Variants in TTC39A observed in about 807,000 individuals in gnomAD.
The protein encoded by TTC39A is tetratricopeptide repeat protein 39A.
Under a neutral mutation model 82.3 loss-of-function variants are expected in TTC39A, and 46 were observed. The ratio of observed to expected loss-of-function variants is 0.56; its 90% CI spans 0.44 to 0.71. The LOEUF is 0.71. TTC39A is among the 30% of genes least tolerant of loss of function. The probability of loss-of-function intolerance (pLI) is 0.00; values close to 1 mark genes in which losing one functional copy is unlikely to be tolerated. For synonymous variants in TTC39A, 254 were observed against 275.2 expected, an observed-to-expected ratio of 0.92 and a Z score of 0.76; for missense variants, 543 against 712.9, an observed-to-expected ratio of 0.76 and a Z score of 2.71.
intron 10 of TTC39A, 28 bp downstream of exon 10, chr1:51,302,478 G>C: frequency 1.9e-6 from 3 of 1,607,774 alleles, no homozygotes. Flanking sequence ...TTGTGGGCTG[G>C]GGGTACCGGG....
At chr1:51,335,617 G>A (rs1645965482), upstream of TTC39A, among the ~76,000 whole-genome samples, 2 of 149,048 alleles carry the variant, frequency 1.3e-5, no homozygotes, top group African/African-American at 4.9e-5. Flanking sequence ...TGAGCCCTTA[G>A]AATGCCCTAG....
chr1:51,322,240 G>A (rs1645557270), intron 1 of TTC39A: 2 of 1,494,880 alleles, frequency 1.3e-6, no homozygotes, highest in South Asian at 1.3e-5. Flanking sequence ...CTTCTCCAAG[G>A]CCTCCTCCCT....
rs59596110 is a variant in TTC39A, at chr1:51,306,974, G to A, written c.489-898C>T. On this transcript the variant is annotated intron_variant, in intron 6 of 17. Transcript: ENST00000680483. ...AGGCTTCCCTGAGGAGGTGACATTT[G>A]AGCTGAAATCTGGTACAGAAAGCCC... Among the ~76,000 whole-genome samples the A allele has an allele frequency of 8.6e-3, 1,308 of 151,708 alleles. 18 individuals are homozygous for A. The highest frequency in any genetic ancestry group is 0.031 in the African/African-American group (1,266 of 41,330).
intron 14 of TTC39A, among the ~76,000 whole-genome samples, chr1:51,293,776 G>T (rs1328798881): frequency 6.6e-6 from 1 of 152,198 alleles, no homozygotes; most frequent in Admixed American, 6.5e-5. Context: ...CCAGACTGCT[G>T]AGTTCAAATT....
rs1646078958 is a variant in TTC39A, at chr1:51,344,932, T to C, written c.53+59A>G. ...TGTTTCCCCGACGTCGGCTGGGTCC[T>C]CCGGCGGCCCCTTGGTCCCGTCCGC... On this transcript the variant is annotated intron_variant, in intron 1 of 5. Transcript: ENST00000401051. 12 of 1,519,254 alleles carry C rather than the reference T, an allele frequency of 7.9e-6. No homozygotes were observed. In the South Asian group the frequency reaches 1.3e-4, roughly 17 times the overall value. 94.1% of individuals were successfully genotyped at this position (1,519,254 alleles called of 1,614,324 possible).
In TTC39A at chr1:51,289,050, T is replaced by G. The variant is rs1644099647; in HGVS notation, c.1494-95A>C. ...TAACCCGAACTCCAATTTTGGGAGGTTCCCACTACCCAGCCCTAGAAAGGC... is the reference window on the plus strand; with the variant it reads ...TAACCCGAACTCCAATTTTGGGAGGGTCCCACTACCCAGCCCTAGAAAGGC... On this transcript the variant is annotated intron_variant, in intron 16 of 17. Transcript: ENST00000680483. 6.2e-6 allele frequency: 7 copies of G among 1,130,784 alleles called. No homozygotes were observed. In the South Asian group the frequency reaches 9.9e-5, roughly 16 times the overall value. The allele number at this position is 1,130,784 out of a possible 1,614,324, so 70.0% of individuals were successfully genotyped here. A position where few individuals can be genotyped will look rare whatever the true frequency, so the allele number is the denominator to read the frequency against.
At chr1:51,331,005 CAGG>C (rs1645898003), upstream of TTC39A, 1 of 700,356 alleles carries the variant, frequency 1.4e-6, no homozygotes, top group Non-Finnish European at 2.6e-6. Context: ...TGAGTGACTG[CAGG>C]AGACCAGAAG....
chr1:51,343,115 G>A (rs561250071), intron 1 of TTC39A: 8 of 455,402 alleles, frequency 1.8e-5, no homozygotes, highest in East Asian at 1.4e-4. Context: ...AAGTGATCTC[G>A]TGCTCCTCAG....
chr1:51,317,807 G>A, intron 2 of TTC39A, among the ~76,000 whole-genome samples: 1 of 152,168 alleles, frequency 6.6e-6, no homozygotes, highest in Non-Finnish European at 1.5e-5. Context: ...TCTGGAATAA[G>A]GCAGGGGCTA....
chr1:51,300,627 T>A (rs1644615943), intron 12 of TTC39A: 1 of 152,238 alleles, frequency 6.6e-6, no homozygotes, highest in Non-Finnish European at 1.5e-5. Context: ...TGGTTCCAAT[T>A]TCTGCACTAT....
intron 1 of TTC39A, among the ~76,000 whole-genome samples, chr1:51,325,601 A>G (rs1455615598): frequency 6.6e-6 from 1 of 152,224 alleles, no homozygotes; most frequent in Non-Finnish European, 1.5e-5. Context: ...AAACTGAGGC[A>G]CAGAGGACGG....
intron 5 of TTC39A, among the ~76,000 whole-genome samples, 190 bp downstream of exon 5, chr1:51,311,061 AGAT>A (rs1248790254): frequency 6.6e-5 from 10 of 152,340 alleles, no homozygotes; most frequent in African/African-American, 2.4e-4. Flanking sequence ...GGATGTGAGG[AGAT>A]GATGCCCATC....
chr1:51,321,815 T>G lies in TTC39A; in HGVS notation c.52A>C (p.Ser18Arg). The G allele has an allele frequency of 6.2e-7, 1 of 1,613,470 alleles. No individual in the cohort carries two copies. Among genetic ancestry groups the G allele is most frequent in the Non-Finnish European group, 8.5e-7 (1 of 1,179,720 alleles). The change falls in exon 2 of 18, where the codon AGC (serine) becomes CGC (arginine). Residue 18 changes from serine to arginine, a missense_variant. Physicochemically the swap from Ser to Arg is moderately radical, Grantham distance 110. Coordinates refer to ENST00000680483, the MANE Select transcript of TTC39A (RefSeq NM_001297663.2). This position sits in a 1 kb window ranked among gnomAD's most constrained non-coding sequence, Gnocchi z 4.6. Reference sequence around the variant, plus strand: ...TGGTCCAGGGCCTCATGGAGGCTGCTCTCAGGAGTCCTGGGGGAAGAGATG... The same window carrying G: ...TGGTCCAGGGCCTCATGGAGGCTGCGCTCAGGAGTCCTGGGGGAAGAGATG... The part of the protein sequence containing the change: ...PGALPAGTPE[S>R]SLHEALDQCM...
chr1:51,290,799 A>G (rs1644181490), intron 14 of TTC39A, among the ~76,000 whole-genome samples, 174 bp from the exon 15 acceptor site: 2 of 152,062 alleles, frequency 1.3e-5, no homozygotes, highest in South Asian at 4.1e-4. Flanking sequence ...GGGTTATGGG[A>G]GCCTTATCAT....
upstream of TTC39A, among the ~76,000 whole-genome samples, chr1:51,334,088 G>A (rs1415921265): frequency 1.3e-5 from 2 of 151,692 alleles, no homozygotes; most frequent in African/African-American, 2.4e-5. Flanking sequence ...GCTGAGCATG[G>A]TGGCTCACAC....
chr1:51,288,739 G>T lies in TTC39A; in HGVS notation c.1610+100C>A. ...CTAGACTGCCAGACTGGCCTTGCTA[G>T]CAACTCCACTCACTGCTCTCTGGGC... On this transcript the variant is annotated intron_variant, in intron 17 of 17. Transcript: ENST00000680483. This position sits in a 1 kb window ranked among gnomAD's most constrained non-coding sequence, Gnocchi z 4.8. The T allele has an allele frequency of 8.9e-7, 1 of 1,125,486 alleles. No individual in the cohort carries two copies. Among genetic ancestry groups the T allele is most frequent in the Non-Finnish European group, 1.3e-6 (1 of 774,838 alleles). The allele number at this position is 1,125,486 out of a possible 1,614,324, so 69.7% of individuals were successfully genotyped here.
rs551279889 is a variant in TTC39A, at chr1:51,311,199, C to T, written c.423+55G>A. On this transcript the variant is annotated intron_variant, in intron 5 of 17. Coordinates refer to ENST00000680483, the MANE Select transcript of TTC39A (RefSeq NM_001297663.2). ...CTCTAGGGGATGGGTCATGGTTGGA[C>T]GTGGAAACTGATCTTCTGAAATCCC... The T allele has an allele frequency of 7.9e-5, 120 of 1,511,920 alleles. No individual in the cohort carries two copies. The South Asian group carries it at 8.0e-4, about 10-fold the overall frequency. 93.7% of individuals were successfully genotyped at this position (1,511,920 alleles called of 1,614,324 possible). A position where few individuals can be genotyped will look rare whatever the true frequency, so the allele number is the denominator to read the frequency against.
At chr1:51,331,663 G>A, upstream of TTC39A, 1 of 985,232 alleles carries the variant, frequency 1.0e-6, no homozygotes. Context: ...GAAAGGCAGT[G>A]AAGTCCCATC....
chr1:51,307,622 C>T (rs55815103), intron 6 of TTC39A, among the ~76,000 whole-genome samples: 1 of 151,856 alleles, frequency 6.6e-6, no homozygotes, highest in East Asian at 1.9e-4. Context: ...GTGGTCCCAG[C>T]CACTCGGGAG....
Sources: allele counts gnomAD v4.1 joint callset (sites outside exome capture counted in the v4.1 genomes callset), GRCh38; gene constraint gnomAD v4.1.1; non-coding constraint Gnocchi (gnomAD v3.1); transcripts MANE v1.5; gene names NCBI Gene and HGNC (gene_info 2026-07-23, HGNC 2026-07-21).